Variants in GRIP1 observed in about 807,000 individuals in gnomAD.
GRIP1 encodes glutamate receptor-interacting protein 1.
A neutral mutation model predicts 129.9 loss-of-function variants in GRIP1; 45 were observed. The ratio of observed to expected loss-of-function variants is 0.35; its 90% CI spans 0.27 to 0.44. The LOEUF (loss-of-function observed/expected upper bound fraction) is 0.44. Among genes scored for constraint, GRIP1 ranks in the 20% least tolerant of loss-of-function variants. The pLI, the probability that GRIP1 is intolerant of heterozygous loss-of-function variation, is 1.00. For synonymous variants in GRIP1, 530 were observed against 520.8 expected, an observed-to-expected ratio of 1.02 and a Z score of -0.24; for missense variants, 1,196 against 1,396.8, an observed-to-expected ratio of 0.86 and a Z score of 2.29.
intron 1 of GRIP1, among the ~76,000 whole-genome samples, chr12:66,767,623 T>C (rs1489860075): frequency 6.7e-6 from 1 of 149,240 alleles, no homozygotes; most frequent in African/African-American, 2.5e-5. Flanking sequence ...ACGGTATTAA[T>C]AGGCTACCAG....
chr12:66,408,549 C>G (rs1443200675), intron 15 of GRIP1, among the ~76,000 whole-genome samples: 1 of 152,012 alleles, frequency 6.6e-6, no homozygotes, highest in Non-Finnish European at 1.5e-5. Context: ...TTGCTGTGGG[C>G]CTTAGGTGAG....
chr12:66,446,295 T>C (rs1226699162), intron 11 of GRIP1, among the ~76,000 whole-genome samples: 1 of 152,134 alleles, frequency 6.6e-6, no homozygotes, highest in African/African-American at 2.4e-5. Context: ...GCTCCACTCC[T>C]CCATGTCTTT....
intron 1 of GRIP1, among the ~76,000 whole-genome samples, chr12:66,779,510 T>C (rs2038090945): frequency 6.6e-6 from 1 of 152,220 alleles, no homozygotes; most frequent in Middle Eastern, 3.2e-3. Flanking sequence ...ATGTCACACG[T>C]TTATTGTATC....
rs181921876 is a variant in GRIP1, at chr12:66,985,682, C to A, written c.58+83368G>T. Among the ~76,000 whole-genome samples, 626 of 152,220 alleles carry A rather than the reference C, an allele frequency of 4.1e-3. 5 individuals carry two copies. The highest frequency in any genetic ancestry group is 0.014 in the African/African-American group (597 of 41,532). On this transcript the variant is annotated intron_variant, in intron 1 of 1. Transcript: ENST00000643019. ...CATCATGTTAAAGTGGAAAAATGAG[C>A]ACTGCCACTCAGGTTTTCAAAGATA... is the stretch of plus-strand genomic sequence containing the variant.
intron 1 of GRIP1, among the ~76,000 whole-genome samples, chr12:66,921,632 G>A (rs1007779539): frequency 6.6e-6 from 1 of 152,118 alleles, no homozygotes; most frequent in Admixed American, 6.5e-5. Flanking sequence ...TGTACACTGG[G>A]GGTAGAACAT....
At chr12:67,045,110 T>C (rs1298978277) in intron 1 of GRIP1, among the ~76,000 whole-genome samples, 1 of 152,168 alleles carries the variant, frequency 6.6e-6, no homozygotes, top group Non-Finnish European at 1.5e-5. Flanking sequence ...CTGCAGAAAA[T>C]GTAACACAGC....
intron 1 of GRIP1, among the ~76,000 whole-genome samples, chr12:66,712,328 T>C (rs542003941): frequency 7.9e-4 from 120 of 151,828 alleles, no homozygotes; most frequent in African/African-American, 2.8e-3. Context: ...ATTGGGAAAA[T>C]GGAAAAACCC....
intron 1 of GRIP1, among the ~76,000 whole-genome samples, chr12:66,625,096 G>C (rs1435910808): frequency 1.3e-5 from 2 of 151,846 alleles, no homozygotes; most frequent in Admixed American, 1.3e-4. Context: ...GGAAGGAAGA[G>C]ACATATGTTA....
intron 15 of GRIP1, among the ~76,000 whole-genome samples, chr12:66,409,647 G>A (rs2057315841): frequency 6.6e-6 from 1 of 152,178 alleles, no homozygotes; most frequent in Non-Finnish European, 1.5e-5. Context: ...GAACATCCAT[G>A]AGCATCAAGA....
intron 1 of GRIP1, among the ~76,000 whole-genome samples, chr12:66,771,201 A>C (rs146230032): frequency 1.3e-5 from 2 of 152,150 alleles, no homozygotes. Flanking sequence ...CTCACAGCCC[A>C]TTTTATCTTT....
At chr12:66,890,932 T>G (rs1204476144) in intron 1 of GRIP1, among the ~76,000 whole-genome samples, 1 of 152,210 alleles carries the variant, frequency 6.6e-6, no homozygotes, top group Non-Finnish European at 1.5e-5. Flanking sequence ...GAGGTCTTCC[T>G]CAGAGACTTA....
At position 66,515,606 on chromosome 12, in the gene GRIP1, G is replaced by A; in HGVS notation, c.724+13C>T. Reference sequence around the variant, plus strand: ...TGGTGCTTAGAGATCACACCCTCAGGACCCCAACATACCCATTACTGAGAC... The same window carrying A: ...TGGTGCTTAGAGATCACACCCTCAGAACCCCAACATACCCATTACTGAGAC... On this transcript the variant is annotated intron_variant, in intron 7 of 24. Coordinates refer to ENST00000359742, the MANE Select transcript of GRIP1 (RefSeq NM_001366722.1). The A allele has an allele frequency of 1.2e-6, 2 of 1,610,470 alleles. No homozygotes were observed. The highest frequency in any genetic ancestry group is 1.7e-6 in the Non-Finnish European group (2 of 1,176,860).
intron 1 of GRIP1, among the ~76,000 whole-genome samples, chr12:66,929,240 T>TAG (rs1466217864): frequency 2.6e-5 from 4 of 152,184 alleles, no homozygotes; most frequent in Admixed American, 6.5e-5. Flanking sequence ...TAAAGGCTCT[T>TAG]CTAACTCTGC....
At position 66,938,278 on chromosome 12, in the gene GRIP1, A is replaced by G. The variant is rs868075479; in HGVS notation, c.58+130772T>C. Among the ~76,000 whole-genome samples the G allele has an allele frequency of 7.2e-5, 11 of 152,242 alleles. No individual in the cohort carries two copies. In the Middle Eastern group the frequency reaches 0.01, roughly 141 times the overall value. On this transcript the variant is annotated intron_variant, in intron 1 of 1. Transcript: ENST00000643019. ...GTAGTCCCAGCTACTTGGGAGGCTG[A>G]GGCAGGAAAATTGCTTGAACCCGGG...
At chr12:66,434,374 GA>G (rs2058239730) in intron 13 of GRIP1, among the ~76,000 whole-genome samples, 1 of 152,158 alleles carries the variant, frequency 6.6e-6, no homozygotes, top group African/African-American at 2.4e-5. Context: ...GTCACGGACT[GA>G]GTTAACACCT....
intron 1 of GRIP1, among the ~76,000 whole-genome samples, chr12:67,027,850 A>T (rs1293468066): frequency 6.6e-6 from 1 of 152,202 alleles, no homozygotes; most frequent in Admixed American, 6.6e-5. Flanking sequence ...CCTTAAAAAA[A>T]CAGTTGAAAC....
At chr12:66,912,618 T>A (rs1417644527) in intron 1 of GRIP1, among the ~76,000 whole-genome samples, 1 of 152,156 alleles carries the variant, frequency 6.6e-6, no homozygotes, top group African/African-American at 2.4e-5. Flanking sequence ...GGAATTTAAA[T>A]AAGGCACATT....
chr12:66,428,646 C>G (rs1043221392), intron 14 of GRIP1, among the ~76,000 whole-genome samples: 14 of 152,256 alleles, frequency 9.2e-5, no homozygotes, highest in African/African-American at 3.4e-4. Context: ...TTTTTATTAG[C>G]CCCTGGTCTT....
chr12:66,858,598 T>G (rs1336983249), intron 1 of GRIP1, among the ~76,000 whole-genome samples: 2 of 152,080 alleles, frequency 1.3e-5, no homozygotes, highest in East Asian at 1.9e-4. Context: ...AGGGTAAAAC[T>G]TTAAGTGGTC....
Sources: allele counts gnomAD v4.1 joint callset (sites outside exome capture counted in the v4.1 genomes callset), GRCh38; gene constraint gnomAD v4.1.1; transcripts MANE v1.5; gene names NCBI Gene and HGNC (gene_info 2026-07-23, HGNC 2026-07-21).